SLC5A4: variants seen among roughly 807,000 people sequenced by gnomAD.
SLC5A4 encodes the protein solute carrier family 5 member 4.
Under a neutral mutation model 70.3 loss-of-function variants are expected in SLC5A4, and 55 were observed. The ratio of observed to expected loss-of-function variants is 0.78; its 90% confidence interval spans 0.63 to 0.98. SLC5A4 has a LOEUF of 0.98. Ranked by LOEUF, SLC5A4 falls within the 50% of genes least tolerant of loss-of-function variation. The pLI is 0.00. For missense variants in SLC5A4, 735 were observed against 839.2 expected (o/e 0.88, Z 1.53); for synonymous variants, 268 against 305.7 (o/e 0.88, Z 1.29).
At chr22:32,328,541 G>A in the SLC5A4 span, among the ~76,000 whole-genome samples, 9 of 152,032 alleles carry the variant, frequency 5.9e-5, no homozygotes, top group African/African-American at 1.7e-4. Context: ...AACTGACAAC[G>A]CCAACCAACA....
the SLC5A4 span, among the ~76,000 whole-genome samples, chr22:32,275,340 C>T: frequency 2.0e-5 from 3 of 152,266 alleles, no homozygotes; most frequent in Admixed American, 2.0e-4. Flanking sequence ...CGTCATTTAG[C>T]ATTAGGTATA....
At position 32,218,566 on chromosome 22, in the gene SLC5A4, T is replaced by C. The variant is rs371932495; in HGVS notation, c.1928A>G (p.Asn643Ser). The C allele has an allele frequency of 6.2e-7, 1 of 1,613,864 alleles. No homozygotes were observed. Among genetic ancestry groups the C allele is most frequent in the Non-Finnish European group, 8.5e-7 (1 of 1,179,984 alleles). ...RPSWRTIVNI[N>S]AILLLAVVVF... ...CACCACAGCCAGGAGGAGGATGGCG[T>C]TGATGTTCACTATTGTCCTCCACGA... The change falls in exon 15 of 15, where the codon AAC (asparagine) becomes AGC (serine). Residue 643 changes from asparagine to serine, a missense_variant. Physicochemically the swap from Asn to Ser is conservative, Grantham distance 46. Transcript: ENST00000266086.
At chr22:32,259,465 G>GC (rs1048450037), upstream of SLC5A4, among the ~76,000 whole-genome samples, 4 of 151,956 alleles carry the variant, frequency 2.6e-5, no homozygotes, top group Non-Finnish European at 5.9e-5. Flanking sequence ...TGCACCAGGT[G>GC]TTTTTTTCCT....
chr22:32,282,738 C>G, the SLC5A4 span, among the ~76,000 whole-genome samples: 1 of 152,224 alleles, frequency 6.6e-6, no homozygotes, highest in Non-Finnish European at 1.5e-5. Flanking sequence ...ACCTCCCTGT[C>G]TGGGTTGGTG....
chr22:32,350,031 C>T, the SLC5A4 span, among the ~76,000 whole-genome samples: 6 of 152,108 alleles, frequency 3.9e-5, no homozygotes, highest in Admixed American at 1.3e-4. Flanking sequence ...AAAGCAGAGC[C>T]TTCCCCAGGT....
the SLC5A4 span, among the ~76,000 whole-genome samples, chr22:32,330,930 TGTGTATGTGTTGGAGGCTCTG>T: frequency 2.6e-4 from 7 of 27,284 alleles, no homozygotes; most frequent in African/African-American, 2.9e-4. Flanking sequence ...AGGCCTCTGG[TGTGTATGTGTTGGAGGCTCTG>T]GTGTGTGTGT....
At chr22:32,275,450 G>A in the SLC5A4 span, among the ~76,000 whole-genome samples, 1 of 152,084 alleles carries the variant, frequency 6.6e-6, no homozygotes, top group Non-Finnish European at 1.5e-5. Flanking sequence ...TCCCACCTAT[G>A]AGTGAGAACA....
chr22:32,304,788 C>G, the SLC5A4 span, among the ~76,000 whole-genome samples: 1 of 152,076 alleles, frequency 6.6e-6, no homozygotes, highest in Non-Finnish European at 1.5e-5. Context: ...GGTGTTGTAT[C>G]TAACAAGTCA....
chr22:32,343,793 C>G, the SLC5A4 span, among the ~76,000 whole-genome samples: 10 of 152,022 alleles, frequency 6.6e-5, no homozygotes, highest in Admixed American at 1.3e-4. Flanking sequence ...TAAAACAATG[C>G]TAATACAACT....
At chr22:32,231,670 T>C (rs1354862795) in intron 9 of SLC5A4, among the ~76,000 whole-genome samples, 2 of 152,230 alleles carry the variant, frequency 1.3e-5, no homozygotes, top group African/African-American at 2.4e-5. Context: ...ATTAGCTTCT[T>C]TTCATTCCTT....
the SLC5A4 span, among the ~76,000 whole-genome samples, chr22:32,295,580 T>C: frequency 4.9e-5 from 5 of 101,714 alleles, no homozygotes; most frequent in Non-Finnish European, 8.4e-5. Flanking sequence ...GAGTAGGTTG[T>C]GAAAATTTTC....
intron 5 of SLC5A4, among the ~76,000 whole-genome samples, chr22:32,239,899 G>C (rs149778324): frequency 0.022 from 3,304 of 149,654 alleles, 119 homozygotes; most frequent in African/African-American, 0.073. Context: ...TGGCAGCCGT[G>C]TGTAGTCCCA....
At chr22:32,302,715 T>C in the SLC5A4 span, among the ~76,000 whole-genome samples, 1 of 152,224 alleles carries the variant, frequency 6.6e-6, no homozygotes, top group Non-Finnish European at 1.5e-5. Flanking sequence ...GTAGACTTGA[T>C]TGTTATAGCT....
At chr22:32,254,661 G>A (rs769435989) in intron 1 of SLC5A4, among the ~76,000 whole-genome samples, 27 of 152,050 alleles carry the variant, frequency 1.8e-4, no homozygotes, top group East Asian at 3.9e-4. Context: ...AAAGTTAGCC[G>A]GGCGTGGTGG....
At chr22:32,335,158 G>A in the SLC5A4 span, among the ~76,000 whole-genome samples, 1 of 152,170 alleles carries the variant, frequency 6.6e-6, no homozygotes, top group Admixed American at 6.5e-5. Flanking sequence ...GACACTGGGA[G>A]CCCTGGGACA....
chr22:32,304,802 C>A, the SLC5A4 span, among the ~76,000 whole-genome samples: 2 of 152,058 alleles, frequency 1.3e-5, no homozygotes, highest in African/African-American at 4.8e-5. Context: ...CAAGTCATTG[C>A]CAAACCAAGG....
In SLC5A4 at chr22:32,232,946, A is replaced by C; in HGVS notation, c.974T>G (p.Met325Arg). ...IMCAYLKLLP[M>R]FLMVMPGMIS... ...CATCCCCGGCATCACCATGAGGAAC[A>C]TGGGCAGCAGCTTCAGGTAAGCACA... is the stretch of plus-strand genomic sequence containing the variant. Residue 325 changes from methionine (M) to arginine (R), a missense_variant, in exon 9 of 15, where the codon ATG (methionine) becomes AGG (arginine). Coordinates refer to ENST00000266086, the MANE Select transcript of SLC5A4 (RefSeq NM_014227.3). 1 of 1,614,222 alleles carries C rather than the reference A, an allele frequency of 6.2e-7. No homozygotes were observed. Among genetic ancestry groups the C allele is most frequent in the Admixed American group, 1.7e-5 (1 of 60,026 alleles).
the SLC5A4 span, among the ~76,000 whole-genome samples, chr22:32,279,524 C>A: frequency 3.7e-3 from 558 of 152,122 alleles, 3 homozygotes; most frequent in Non-Finnish European, 4.4e-3. Context: ...GATGTGGTGG[C>A]TCACGCCTGT....
intron 2 of SLC5A4, among the ~76,000 whole-genome samples, chr22:32,252,312 G>A (rs1035409499): frequency 6.6e-6 from 1 of 152,004 alleles, no homozygotes; most frequent in Non-Finnish European, 1.5e-5. Context: ...GCAAACAATG[G>A]CCCCTGGGCT....
Sources: gnomAD v4.1 joint callset for allele counts (sites outside exome capture counted in the v4.1 genomes callset) on GRCh38, gnomAD v4.1.1 for gene constraint, MANE v1.5 for transcripts, NCBI Gene and HGNC (gene_info 2026-07-23, HGNC 2026-07-21) for gene names.